ATAD2B: variants seen among roughly 807,000 people sequenced by gnomAD.
ATAD2B encodes the protein ATPase family AAA domain-containing protein 2B.
ATAD2B carries 40 observed loss-of-function variants against 167.6 expected under a neutral mutation model. The ratio of observed to expected loss-of-function variants is 0.24; its 90% CI spans 0.19 to 0.31. ATAD2B has a LOEUF of 0.31. Ranked by LOEUF, ATAD2B falls within the 10% of genes least tolerant of loss-of-function variation. The pLI, the probability that ATAD2B is intolerant of heterozygous loss-of-function variation, is 1.00. For missense variants in ATAD2B, 1,242 were observed against 1,757.2 expected, an observed-to-expected ratio of 0.71 and a Z score of 5.24; for synonymous variants, 579 against 596.5, an observed-to-expected ratio of 0.97 and a Z score of 0.43.
chr2:23,857,458 C>A lies in ATAD2B; in HGVS notation c.1525G>T (p.Gly509Ter). 6.6e-7 allele frequency: 1 copy of A among 1,514,518 alleles called. No homozygotes were observed. Among genetic ancestry groups the A allele is most frequent in the South Asian group, 1.4e-5 (1 of 72,334 alleles). 93.8% of individuals were successfully genotyped at this position (1,514,518 alleles called of 1,614,324 possible). A position where few individuals can be genotyped will look rare whatever the true frequency, so the allele number is the denominator to read the frequency against. ...CTGCTAGAGCGAACTGGAGCTAATC[C>A]ATCTATTTCATCAAAAAATATTATA... ...PSIIFFDEID[G>*]LAPVRSSRQD... Residue 509 changes from glycine (G) to a stop codon, truncating the protein, a stop_gained, in exon 13 of 28, where the codon GGA (glycine) becomes TGA (stop). Transcript: ENST00000238789. LOFTEE classifies it high-confidence loss of function.
intron 13 of ATAD2B, among the ~76,000 whole-genome samples, chr2:23,851,597 C>G (rs1692582948): frequency 1.3e-5 from 2 of 152,140 alleles, no homozygotes; most frequent in Admixed American, 6.5e-5. Context: ...ACTGATGAAC[C>G]TACAATGACA....
the ATAD2B span, among the ~76,000 whole-genome samples, chr2:23,702,719 T>G: frequency 6.6e-6 from 1 of 152,276 alleles, no homozygotes; most frequent in East Asian, 1.9e-4. Context: ...CTGCATGTAA[T>G]TATTCTTTGT....
intron 1 of ATAD2B, among the ~76,000 whole-genome samples, chr2:23,922,482 AG>A (rs989997529): frequency 3.4e-5 from 5 of 145,140 alleles, no homozygotes; most frequent in East Asian, 1.9e-4. Flanking sequence ...ATGATAAGAG[AG>A]GAAAAAAAAA....
chr2:23,872,465 G>A (rs1696143471), intron 8 of ATAD2B: 4 of 735,962 alleles, frequency 5.4e-6, no homozygotes, highest in South Asian at 2.9e-5. Context: ...ACTGCAATCA[G>A]CACCCATTTC....
the ATAD2B span, among the ~76,000 whole-genome samples, chr2:23,715,312 C>T: frequency 6.6e-6 from 1 of 152,172 alleles, no homozygotes; most frequent in African/African-American, 2.4e-5. Context: ...CGGTGGCTCA[C>T]GCCTGTAATC....
At chr2:23,760,715 C>CACAT (rs1676590175) in intron 24 of ATAD2B, among the ~76,000 whole-genome samples, 1 of 142,420 alleles carries the variant, frequency 7.0e-6, no homozygotes, top group Non-Finnish European at 1.5e-5. Context: ...CACACACACA[C>CACAT]ACACACACAC....
chr2:23,860,366 C>G (rs1283289427), intron 12 of ATAD2B, among the ~76,000 whole-genome samples: 1 of 152,188 alleles, frequency 6.6e-6, no homozygotes, highest in Non-Finnish European at 1.5e-5. Flanking sequence ...TCTTTCCTTA[C>G]ATAGTTAGAC....
chr2:23,880,613 GAA>G (rs1478854504), intron 7 of ATAD2B, 24 bp downstream of exon 7: 3 of 1,350,452 alleles, frequency 2.2e-6, no homozygotes, highest in African/African-American at 2.9e-5. Flanking sequence ...CTACCAGAAA[GAA>G]AAAAGTTATT....
chr2:23,921,078 C>T (rs766085791), intron 1 of ATAD2B, among the ~76,000 whole-genome samples: 5 of 151,742 alleles, frequency 3.3e-5, no homozygotes, highest in Admixed American at 6.6e-5. Context: ...TGGTGGCAGG[C>T]GCCTGTAATG....
the ATAD2B span, among the ~76,000 whole-genome samples, chr2:23,724,464 T>C: frequency 1.3e-5 from 2 of 152,048 alleles, no homozygotes; most frequent in East Asian, 3.9e-4. Context: ...CAGAGAAAGA[T>C]ATATATATTT....
intron 4 of ATAD2B, among the ~76,000 whole-genome samples, chr2:23,887,606 A>G (rs1409181584): frequency 1.3e-5 from 2 of 152,200 alleles, no homozygotes; most frequent in African/African-American, 4.8e-5. Context: ...GCAGACGTTG[A>G]ACGGATAGTC....
At chr2:23,887,144 G>A (rs1207642391) in intron 4 of ATAD2B, among the ~76,000 whole-genome samples, 1 of 151,906 alleles carries the variant, frequency 6.6e-6, no homozygotes. Flanking sequence ...CGCGCCTATA[G>A]TCCCAGCTGC....
intron 18 of ATAD2B, among the ~76,000 whole-genome samples, chr2:23,805,765 T>C (rs1684273255): frequency 1.5e-5 from 2 of 133,784 alleles, no homozygotes; most frequent in African/African-American, 5.9e-5. Flanking sequence ...GTCTAAGCAG[T>C]CCACATCTCC....
At chr2:23,732,299 A>T in the ATAD2B span, among the ~76,000 whole-genome samples, 1 of 152,222 alleles carries the variant, frequency 6.6e-6, no homozygotes, top group Non-Finnish European at 1.5e-5. Flanking sequence ...GAATTTGTAG[A>T]TTAAGAGATT....
rs199842019 is a variant in ATAD2B, at chr2:23,769,711, G to GATTTTTTTTTTTTTTTTTT, written c.3134-4084_3134-4083insAAAAAAAAAAAAAAAAAAT. Among the ~76,000 whole-genome samples the GATTTTTTTTTTTTTTTTTT allele has an allele frequency of 3.1e-5, 4 of 129,836 alleles. 1 individual carries two copies. Among genetic ancestry groups the GATTTTTTTTTTTTTTTTTT allele is most frequent in the Non-Finnish European group, 6.7e-5 (4 of 60,084 alleles). The allele number at this position is 129,836 out of a possible 152,430, so 85.2% of individuals were successfully genotyped here. ...AAGTGTTTAATGGTGTCTCACTGTG[G>GATTTTTTTTTTTTTTTTTT]GTTTTTTTTTTTTTTTTTTTTTGAG... is the stretch of plus-strand genomic sequence containing the variant. On this transcript the variant is annotated intron_variant, in intron 22 of 27. Coordinates refer to ENST00000238789, the MANE Select transcript of ATAD2B (RefSeq NM_017552.4).
intron 18 of ATAD2B, among the ~76,000 whole-genome samples, chr2:23,807,819 A>T: frequency 2.0e-5 from 1 of 49,466 alleles, no homozygotes; most frequent in South Asian, 7.2e-4. Context: ...CCATCTTAAA[A>T]AAAAAAAAAA....
chr2:23,916,911 T>C (rs1703120331), intron 1 of ATAD2B, among the ~76,000 whole-genome samples: 1 of 152,180 alleles, frequency 6.6e-6, no homozygotes, highest in South Asian at 2.1e-4. Flanking sequence ...TGGCATGTAT[T>C]TGTCTCCTCC....
chr2:23,855,514 A>G (rs1484959784), intron 13 of ATAD2B, among the ~76,000 whole-genome samples: 2 of 152,232 alleles, frequency 1.3e-5, no homozygotes, highest in African/African-American at 4.8e-5. Flanking sequence ...TGGTAAAACC[A>G]CTTTGGAAAA....
chr2:23,696,236 T>G, the ATAD2B span: 1 of 1,485,028 alleles, frequency 6.7e-7, no homozygotes, highest in Non-Finnish European at 9.1e-7. This position sits in a 1 kb window ranked among gnomAD's most constrained non-coding sequence, Gnocchi z 5.5. Context: ...GTGTCTACTT[T>G]GCAGGTGAAG....
Sources: allele counts gnomAD v4.1 joint callset (sites outside exome capture counted in the v4.1 genomes callset), GRCh38; gene constraint gnomAD v4.1.1; non-coding constraint Gnocchi (gnomAD v3.1); transcripts MANE v1.5; gene names NCBI Gene and HGNC (gene_info 2026-07-23, HGNC 2026-07-21).